MTMR8: variants seen among roughly 807,000 people sequenced by gnomAD.
MTMR8 encodes phosphatidylinositol-3,5-bisphosphate 3-phosphatase MTMR8.
MTMR8 carries 65 observed loss-of-function variants against 39.3 expected under a neutral mutation model. The observed-to-expected ratio is 1.65, with a 90% confidence interval of 1.35 to 2.03. The LOEUF is 2.03. Among genes scored for constraint, MTMR8 ranks in the 30% most tolerant of loss-of-function variants. The pLI is 0.00. For synonymous variants in MTMR8, 245 were observed against 185.2 expected, an observed-to-expected ratio of 1.32 and a Z score of -2.62; for missense variants, 777 against 538.9, an observed-to-expected ratio of 1.44 and a Z score of -4.37.
intron 12 of MTMR8, among the ~76,000 whole-genome samples, chrX:64,294,488 T>G (rs936129227): frequency 2.7e-5 from 3 of 112,036 alleles, no homozygotes; most frequent in Admixed American, 1.9e-4. Context: ...TACTAAATCT[T>G]ACCAAGATTC....
In MTMR8 at chrX:64,371,542, G is replaced by C. The variant is rs748369861; in HGVS notation, c.25-12015C>G. 2.7e-5 allele frequency among the ~76,000 whole-genome samples: 3 copies of C among 109,896 alleles called. No individual in the cohort carries two copies. In the Admixed American group the frequency reaches 2.9e-4, roughly 11 times the overall value. ...GTATCCTTTGACCCAATACCCTACT[G>C]TTAGAAGTTTATCCTCAGAAATGTA... On this transcript the variant is annotated intron_variant, in intron 1 of 13. Coordinates refer to ENST00000374852, the MANE Select transcript of MTMR8 (RefSeq NM_017677.4).
At chrX:64,365,275 C>T (rs1013277947) in intron 1 of MTMR8, among the ~76,000 whole-genome samples, 1 of 110,113 alleles carries the variant, frequency 9.1e-6, no homozygotes, top group Non-Finnish European at 1.9e-5. Flanking sequence ...CAAAGATACT[C>T]CTCGAGAAGA....
intron 2 of MTMR8, 102 bp downstream of exon 2, chrX:64,359,303 A>G: frequency 1.1e-6 from 1 of 875,099 alleles, no homozygotes; most frequent in Non-Finnish European, 1.5e-6. Context: ...AAGGTTTTAC[A>G]GCAATTTAAA....
At chrX:64,270,187 G>A (rs1161304200) in intron 13 of MTMR8, among the ~76,000 whole-genome samples, 1 of 111,437 alleles carries the variant, frequency 9.0e-6, no homozygotes, top group South Asian at 3.9e-4. Context: ...CAAGTAACTG[G>A]CTGTTGCCTC....
At chrX:64,326,179 C>T (rs751017333) in intron 12 of MTMR8, among the ~76,000 whole-genome samples, 21 of 110,686 alleles carry the variant, frequency 1.9e-4, no homozygotes, top group South Asian at 7.8e-4. Flanking sequence ...GTTGAGTAGG[C>T]GGAGGAAGAG....
intron 1 of MTMR8, among the ~76,000 whole-genome samples, chrX:64,375,600 G>T (rs1481832820): frequency 9.0e-6 from 1 of 110,805 alleles, no homozygotes; most frequent in African/African-American, 3.3e-5. Context: ...AGCTCATGAG[G>T]GTTCTCTGCT....
intron 10 of MTMR8, among the ~76,000 whole-genome samples, chrX:64,333,298 C>T (rs1030279229): frequency 9.0e-6 from 1 of 111,313 alleles, no homozygotes; most frequent in African/African-American, 3.3e-5. Flanking sequence ...CCTTGTCAAA[C>T]CCCTAATCCA....
rs774735236 is a variant in MTMR8, at chrX:64,290,494, C to A, written c.1482-19421G>T. Among the ~76,000 whole-genome samples the A allele has an allele frequency of 3.6e-5, 4 of 110,656 alleles. No individual in the cohort carries two copies. In the South Asian group the frequency reaches 1.2e-3, roughly 32 times the overall value. Reference sequence around the variant, plus strand: ...CCATGGACTCTTTACCCAGTTTCCCCAGTGGGTAACTGCAGTACAATATCA... The same window carrying A: ...CCATGGACTCTTTACCCAGTTTCCCAAGTGGGTAACTGCAGTACAATATCA... On this transcript the variant is annotated intron_variant, in intron 12 of 13. Transcript: ENST00000374852.
intron 1 of MTMR8, among the ~76,000 whole-genome samples, chrX:64,372,753 C>T (rs763221973): frequency 1.9e-4 from 21 of 111,361 alleles, no homozygotes; most frequent in Non-Finnish European, 3.4e-4. Context: ...GGGTAGTTTC[C>T]AGTTTGGGGC....
chrX:64,283,134 C>T (rs779441184), intron 12 of MTMR8, among the ~76,000 whole-genome samples: 19 of 112,113 alleles, frequency 1.7e-4, no homozygotes, highest in South Asian at 3.7e-4. Context: ...CCTAATACTG[C>T]GCTTTTCCAA....
At chrX:64,381,469 A>G (rs1237970560) in intron 1 of MTMR8, among the ~76,000 whole-genome samples, 4 of 103,137 alleles carry the variant, frequency 3.9e-5, no homozygotes, top group Non-Finnish European at 5.9e-5. Flanking sequence ...TTTTCTTGTA[A>G]ATTTGTTGGA....
chrX:64,317,005 G>A (rs778129188), intron 12 of MTMR8, among the ~76,000 whole-genome samples: 6 of 107,677 alleles, frequency 5.6e-5, no homozygotes, highest in South Asian at 8.5e-4. Flanking sequence ...CCAGCTACTC[G>A]GGAGGCTGAG....
At chrX:64,353,125 G>C (rs1783501216) in intron 4 of MTMR8, among the ~76,000 whole-genome samples, 1 of 111,800 alleles carries the variant, frequency 8.9e-6, no homozygotes, top group South Asian at 3.7e-4. Context: ...TTCAATAAAT[G>C]GTTCTGGGAA....
chrX:64,283,719 G>A (rs1921046274), intron 12 of MTMR8, among the ~76,000 whole-genome samples: 1 of 112,486 alleles, frequency 8.9e-6, no homozygotes, highest in Admixed American at 9.4e-5. Flanking sequence ...AACAGGGTCT[G>A]GAGTGGACCT....
At position 64,343,026 on chromosome X, in the gene MTMR8, G is replaced by A. The variant is rs749809730; in HGVS notation, c.975+585C>T. 2.7e-5 allele frequency among the ~76,000 whole-genome samples: 3 copies of A among 111,573 alleles called. 1 individual carries two copies. The East Asian group carries it at 8.5e-4, about 32-fold the overall frequency. On this transcript the variant is annotated intron_variant, in intron 8 of 13. Coordinates refer to ENST00000374852, the MANE Select transcript of MTMR8 (RefSeq NM_017677.4). Reference sequence around the variant, plus strand: ...AAATAAATGAGTCAGCATAAATACAGGGTGACAAAGCCTGCCTAGACTGCA... The same window carrying A: ...AAATAAATGAGTCAGCATAAATACAAGGTGACAAAGCCTGCCTAGACTGCA...
chrX:64,305,306 C>A, intron 12 of MTMR8: 1 of 193,054 alleles, frequency 5.2e-6, no homozygotes. Flanking sequence ...TTAATTCATC[C>A]AGTACTACTT....
At position 64,309,185 on chromosome X, in the gene MTMR8, A is replaced by G. The variant is rs746045128; in HGVS notation, c.1481+19587T>C. On this transcript the variant is annotated intron_variant, in intron 12 of 13. Transcript: ENST00000374852. Reference sequence around the variant, plus strand: ...TTTTGATTGAGATTTTATTGGATCTATAAAGTTGGGAAGAACTGACAGATT... The same window carrying G: ...TTTTGATTGAGATTTTATTGGATCTGTAAAGTTGGGAAGAACTGACAGATT... Among the ~76,000 whole-genome samples the G allele has an allele frequency of 1.3e-3, 146 of 112,217 alleles. 1 individual carries two copies. Among genetic ancestry groups the G allele is most frequent in the African/African-American group, 4.6e-3 (144 of 30,970 alleles).
chrX:64,359,278 A>T, intron 2 of MTMR8, 127 bp downstream of exon 2: 1 of 623,027 alleles, frequency 1.6e-6, no homozygotes, highest in Non-Finnish European at 2.2e-6. Flanking sequence ...TTATTAGAAT[A>T]GGTCCTCTGA....
chrX:64,312,581 A>G (rs2147211470), intron 12 of MTMR8, among the ~76,000 whole-genome samples: 1 of 112,336 alleles, frequency 8.9e-6, no homozygotes, highest in African/African-American at 3.2e-5. Flanking sequence ...AGAAAACCCC[A>G]TTGTCTCCGC....
Sources: gnomAD v4.1 joint callset for allele counts (sites outside exome capture counted in the v4.1 genomes callset) on GRCh38, gnomAD v4.1.1 for gene constraint, MANE v1.5 for transcripts, NCBI Gene and HGNC (gene_info 2026-07-23, HGNC 2026-07-21) for gene names.